The following NT5DC3 variants were observed in gnomAD, a reference collection of about 807,000 sequenced individuals.
NT5DC3 encodes 5'-nucleotidase domain-containing protein 3.
In NT5DC3, 42 loss-of-function variants were observed where a neutral mutation model predicts 67.8. The ratio of observed to expected loss-of-function variants is 0.62; its 90% CI spans 0.48 to 0.80. The LOEUF (loss-of-function observed/expected upper bound fraction) is 0.80. Ranked by LOEUF, NT5DC3 falls within the 30% of genes least tolerant of loss-of-function variation. The probability of loss-of-function intolerance (pLI) is 0.00; values close to 1 mark genes in which losing one functional copy is unlikely to be tolerated. For synonymous variants in NT5DC3, 237 were observed against 255.6 expected (o/e 0.93, Z 0.69); for missense variants, 570 against 696.4 (o/e 0.82, Z 2.04).
rs182351611 is a variant in NT5DC3 at position 103,830,400 on chromosome 12, A to G, written c.208+10549T>C. Among the ~76,000 whole-genome samples, 4 of 152,292 alleles carry G rather than the reference A, an allele frequency of 2.6e-5. No individual in the cohort carries two copies. The East Asian group carries it at 7.7e-4, about 29-fold the overall frequency. The stretch of plus-strand genomic sequence containing the variant: ...GCTTGGGATTTGCTTTGCATTCTAA[A>G]TCTGAGGATTCTGTCTTTCATTTGT... On this transcript the variant is annotated intron_variant, in intron 1 of 13. Coordinates refer to ENST00000392876, the MANE Select transcript of NT5DC3 (RefSeq NM_001031701.3).
the NT5DC3 span, chr12:103,750,725 G>C: frequency 1.2e-6 from 2 of 1,611,590 alleles, no homozygotes; most frequent in South Asian, 1.1e-5. Flanking sequence ...TCCAGGGTTA[G>C]TGTGACCAGG....
At chr12:103,771,901 A>C (rs1885192475), downstream of NT5DC3, among the ~76,000 whole-genome samples, 1 of 152,160 alleles carries the variant, frequency 6.6e-6, no homozygotes, top group Non-Finnish European at 1.5e-5. Flanking sequence ...AATCGCCCCC[A>C]AAAAATCAAT....
chr12:103,766,118 C>T (rs891311402), downstream of NT5DC3: 15 of 903,236 alleles, frequency 1.7e-5, no homozygotes, highest in Middle Eastern at 1.1e-3. Context: ...CTACCCCCAG[C>T]CCATCCTGCC....
At position 103,775,065 on chromosome 12, in the gene NT5DC3, GT is replaced by G. The variant is rs1885298719; in HGVS notation, c.*2763del. The G allele has an allele frequency of 6.6e-6, 1 of 151,600 alleles. No homozygotes were observed. The highest frequency in any genetic ancestry group is 1.5e-5 in the Non-Finnish European group (1 of 67,996). The allele number at this position is 151,600 out of a possible 1,614,324, so 9.4% of individuals were successfully genotyped here. On this transcript the variant is annotated 3_prime_UTR_variant, in exon 14 of 14. Transcript: ENST00000392876. ...ACAAGTTAAAATCTGTCCTGACTGA[GT>G]ATATACAAGGATTAATAATAAAGTG...
chr12:103,749,173 C>T, the NT5DC3 span: 2 of 1,583,266 alleles, frequency 1.3e-6, no homozygotes, highest in Non-Finnish European at 1.7e-6. Context: ...CGCTCTTTCC[C>T]AGGGAAATTT....
chr12:103,840,511 C>T (rs1888368506), intron 1 of NT5DC3, among the ~76,000 whole-genome samples: 1 of 149,854 alleles, frequency 6.7e-6, no homozygotes, highest in Non-Finnish European at 1.5e-5. Context: ...TCGGCCACCT[C>T]CCCAGCAGCC....
At chr12:103,797,096 C>T (rs1886352937) in intron 5 of NT5DC3, 65 bp from the exon 6 acceptor site, 2 of 1,564,068 alleles carry the variant, frequency 1.3e-6, no homozygotes, top group Non-Finnish European at 1.8e-6. Context: ...AGCCACGAAG[C>T]ACCAGGAACA....
intron 11 of NT5DC3, among the ~76,000 whole-genome samples, chr12:103,787,018 T>G (rs1328617817): frequency 6.6e-6 from 1 of 152,196 alleles, no homozygotes; most frequent in African/African-American, 2.4e-5. Context: ...TGAATATTTC[T>G]CTTCCTCCTA....
chr12:103,756,977 G>A, the NT5DC3 span, among the ~76,000 whole-genome samples: 10 of 116,690 alleles, frequency 8.6e-5, no homozygotes, highest in African/African-American at 2.6e-4. Flanking sequence ...CTGGGCCTCA[G>A]TAGCCCAGAA....
intron 6 of NT5DC3, among the ~76,000 whole-genome samples, chr12:103,794,299 G>A (rs888408281): frequency 2.3e-5 from 2 of 88,658 alleles, no homozygotes; most frequent in Non-Finnish European, 4.7e-5. Context: ...ACAGGCGCCC[G>A]CCAGCACATC....
Position 103,793,404 on chromosome 12 carries a change from A to G in NT5DC3, c.917+6T>C. 1 of 1,611,648 alleles carries G rather than the reference A, an allele frequency of 6.2e-7. No homozygotes were observed. Among genetic ancestry groups the G allele is most frequent in the Non-Finnish European group, 8.5e-7 (1 of 1,177,724 alleles). On this transcript the variant is annotated splice_donor_region_variant and intron_variant, in intron 8 of 13. Coordinates refer to ENST00000392876, the MANE Select transcript of NT5DC3 (RefSeq NM_001031701.3). Reference sequence around the variant, plus strand: ...GAAGCTAGCAATGAAACACAGAGCAACTTACACAAAGCTACTGGGGCTATT... The same window carrying G: ...GAAGCTAGCAATGAAACACAGAGCAGCTTACACAAAGCTACTGGGGCTATT...
chr12:103,817,360 A>G (rs1310770287), intron 1 of NT5DC3, among the ~76,000 whole-genome samples: 4 of 152,290 alleles, frequency 2.6e-5, no homozygotes, highest in African/African-American at 7.2e-5. Flanking sequence ...ATTATATATG[A>G]CAGTTTTTTT....
At chr12:103,829,709 T>A (rs927361997) in intron 1 of NT5DC3, among the ~76,000 whole-genome samples, 1 of 152,230 alleles carries the variant, frequency 6.6e-6, no homozygotes, top group African/African-American at 2.4e-5. Context: ...ACTTTTGGAC[T>A]GATTTCAACA....
intron 9 of NT5DC3, among the ~76,000 whole-genome samples, chr12:103,791,191 G>A (rs116600105): frequency 0.053 from 8,131 of 152,028 alleles, 467 homozygotes; most frequent in East Asian, 0.17. Flanking sequence ...TGGGGGAGAG[G>A]GCTGAGACAC....
In NT5DC3 at chr12:103,777,588, G is replaced by A; in HGVS notation, c.*241C>T. ...GTTCCAGGACCTCAGTAAACAAAAA[G>A]GCAAAATCAGAGTTCCAATGTGAAG... On this transcript the variant is annotated 3_prime_UTR_variant, in exon 14 of 14. Transcript: ENST00000392876. 7.5e-6 allele frequency: 4 copies of A among 534,668 alleles called. No homozygotes were observed. The highest frequency in any genetic ancestry group is 3.3e-6 in the Non-Finnish European group (1 of 307,402). The allele number at this position is 534,668 out of a possible 1,614,324, so 33.1% of individuals were successfully genotyped here.
chr12:103,777,883 T>C lies in NT5DC3; in HGVS notation c.1593A>G (p.Ser531=), dbSNP rs1159025356. Residue 531 remains serine (S), a synonymous_variant, in exon 14 of 14, where the codon TCA becomes TCG. Transcript: ENST00000392876. ...TPLQHELPAW[S]ERPPTFGTPL... ...GGGTTCCGAAGGTGGGGGGCCTTTC[T>C]GACCAGGCGGGCAGTTCGTGCTGCA... is the stretch of plus-strand genomic sequence containing the variant. 22 of 1,614,084 alleles carry C rather than the reference T, an allele frequency of 1.4e-5. No individual in the cohort carries two copies. In the East Asian group the frequency reaches 4.9e-4, roughly 36 times the overall value.
chr12:103,756,626 C>T, the NT5DC3 span, among the ~76,000 whole-genome samples: 53 of 152,348 alleles, frequency 3.5e-4, no homozygotes, highest in African/African-American at 1.2e-3. Flanking sequence ...CTGCCTGGTT[C>T]CAGCCTCCCC....
At position 103,838,725 on chromosome 12, in the gene NT5DC3, T is replaced by C. The variant is rs544828811; in HGVS notation, c.208+2224A>G. Among the ~76,000 whole-genome samples, 11 of 151,856 alleles carry C rather than the reference T, an allele frequency of 7.2e-5. 1 individual carries two copies. In the South Asian group the frequency reaches 2.1e-3, roughly 29 times the overall value. On this transcript the variant is annotated intron_variant, in intron 1 of 13. Transcript: ENST00000392876. ...ATGGTTCAATAGAGTTAATCTGTGG[T>C]TAAACAAACAATTAAACTGTTTTAT...
chr12:103,746,631 T>C, the NT5DC3 span: 2 of 1,614,162 alleles, frequency 1.2e-6, no homozygotes, highest in African/African-American at 2.7e-5. Context: ...CTTGTTCTGC[T>C]CATGCCACCT....
Sources: allele counts gnomAD v4.1 joint callset (sites outside exome capture counted in the v4.1 genomes callset), GRCh38; gene constraint gnomAD v4.1.1; transcripts MANE v1.5; gene names NCBI Gene and HGNC (gene_info 2026-07-23, HGNC 2026-07-21).